The following ARFGEF1 variants were observed in gnomAD, a reference collection of about 807,000 sequenced individuals.
The protein encoded by ARFGEF1 is brefeldin A-inhibited guanine nucleotide-exchange protein 1.
A neutral mutation model predicts 231.0 loss-of-function variants in ARFGEF1; 42 were observed. That is an observed-to-expected ratio of 0.18 (90% CI 0.14 to 0.24). The LOEUF (loss-of-function observed/expected upper bound fraction) is 0.24. Ranked by LOEUF, ARFGEF1 falls within the 10% of genes least tolerant of loss-of-function variation. The pLI is 1.00. For missense variants in ARFGEF1, 1,345 were observed against 2,192.0 expected (o/e 0.61, Z 7.72); for synonymous variants, 710 against 732.3 (o/e 0.97, Z 0.49).
At chr8:67,222,182 C>CATATATATACATAT (rs1839195257) in intron 29 of ARFGEF1, among the ~76,000 whole-genome samples, 2 of 117,740 alleles carry the variant, frequency 1.7e-5, no homozygotes, top group African/African-American at 7.8e-5. Flanking sequence ...TATATATACA[C>CATATATATACATAT]ATATATATAT....
intron 22 of ARFGEF1, among the ~76,000 whole-genome samples, chr8:67,235,176 A>C (rs1839687147): frequency 6.7e-6 from 1 of 150,284 alleles, no homozygotes; most frequent in African/African-American, 2.4e-5. Flanking sequence ...ATTAATAATA[A>C]AATATTTAAA....
At chr8:67,264,900 T>C (rs1005871687) in intron 14 of ARFGEF1, among the ~76,000 whole-genome samples, 24 of 152,212 alleles carry the variant, frequency 1.6e-4, no homozygotes, top group African/African-American at 4.3e-4. Flanking sequence ...ATGTTTAGAA[T>C]GCAATCTTGA....
At chr8:67,311,926 C>CTG (rs953979672) in intron 1 of ARFGEF1, among the ~76,000 whole-genome samples, 13 of 152,164 alleles carry the variant, frequency 8.5e-5, no homozygotes, top group Non-Finnish European at 1.5e-5. Context: ...TCCTGTTGAT[C>CTG]TGTGACCTTA....
chr8:67,193,509 T>G (rs757947174), downstream of ARFGEF1: 1 of 1,613,378 alleles, frequency 6.2e-7, no homozygotes, highest in East Asian at 2.2e-5. Flanking sequence ...CTCTCTAAAA[T>G]CTATATCCAG....
At chr8:67,321,132 GGT>G (rs1267725628) in intron 1 of ARFGEF1, among the ~76,000 whole-genome samples, 2 of 150,122 alleles carry the variant, frequency 1.3e-5, no homozygotes, top group African/African-American at 4.9e-5. Flanking sequence ...CCAGGGGTTA[GGT>G]ATGTGAGAAA....
Position 67,303,210 on chromosome 8 carries a change from T to G in ARFGEF1, c.125-744A>C, listed in dbSNP as rs115577453. On this transcript the variant is annotated intron_variant, in intron 1 of 38. Transcript: ENST00000262215. ...GGAAAAACACCTCAATGCACCAACC[T>G]TGTGATTACCCCAGGGAGATTATCA... Among the ~76,000 whole-genome samples, 149 of 152,310 alleles carry G rather than the reference T, an allele frequency of 9.8e-4. 1 individual carries two copies. Among genetic ancestry groups the G allele is most frequent in the African/African-American group, 3.5e-3 (145 of 41,562 alleles).
chr8:67,202,916 A>T (rs1838384395), intron 36 of ARFGEF1, among the ~76,000 whole-genome samples, 167 bp downstream of exon 36: 1 of 152,184 alleles, frequency 6.6e-6, no homozygotes, highest in Admixed American at 6.5e-5. Flanking sequence ...CTTACTGTAG[A>T]CCAGAAAAGG....
At chr8:67,258,728 A>C (rs2128889698) in intron 15 of ARFGEF1, among the ~76,000 whole-genome samples, 1 of 152,290 alleles carries the variant, frequency 6.6e-6, no homozygotes, top group Non-Finnish European at 1.5e-5. Context: ...TAACAATTTC[A>C]AACACAAAGC....
chr8:67,264,768 C>G (rs1052849747), intron 14 of ARFGEF1, among the ~76,000 whole-genome samples: 1 of 152,114 alleles, frequency 6.6e-6, no homozygotes, highest in African/African-American at 2.4e-5. Flanking sequence ...ACTTCCACTT[C>G]GAAGCCCTCT....
chr8:67,253,714 T>C, intron 17 of ARFGEF1, 92 bp from the exon 18 acceptor site: 1 of 695,980 alleles, frequency 1.4e-6, no homozygotes, highest in Non-Finnish European at 2.1e-6. Flanking sequence ...AGAGATTTTG[T>C]AAATACTTTT....
In ARFGEF1 at chr8:67,307,163, T is replaced by C. The variant is rs749178741; in HGVS notation, c.125-4697A>G. ...TCAAAGCAGTAACTCTGGGAGTCTA[T>C]ATATCAATTACCATAATGCCGCTAG... is the stretch of plus-strand genomic sequence containing the variant. On this transcript the variant is annotated intron_variant, in intron 1 of 38. Coordinates refer to ENST00000262215, the MANE Select transcript of ARFGEF1 (RefSeq NM_006421.5). Among the ~76,000 whole-genome samples the C allele has an allele frequency of 5.3e-5, 8 of 152,370 alleles. No individual in the cohort carries two copies. The East Asian group carries it at 5.8e-4, about 11-fold the overall frequency.
At chr8:67,307,165 T>C (rs1021236867) in intron 1 of ARFGEF1, among the ~76,000 whole-genome samples, 6 of 152,256 alleles carry the variant, frequency 3.9e-5, no homozygotes, top group South Asian at 2.1e-4. Flanking sequence ...GGAGTCTATA[T>C]ATCAATTACC....
downstream of ARFGEF1, chr8:67,195,710 G>A (rs1837804517): frequency 1.4e-6 from 1 of 723,412 alleles, no homozygotes; most frequent in Non-Finnish European, 2.3e-6. Context: ...TCCATCATCT[G>A]TATATAAAAT....
intron 5 of ARFGEF1, among the ~76,000 whole-genome samples, chr8:67,183,660 T>G (rs1481741521): frequency 6.6e-6 from 1 of 152,150 alleles, no homozygotes; most frequent in African/African-American, 2.4e-5. Flanking sequence ...ATGCTTGTCT[T>G]TCTTTCTACT....
At chr8:67,327,577 C>G (rs1433017897) in intron 1 of ARFGEF1, among the ~76,000 whole-genome samples, 9 of 152,146 alleles carry the variant, frequency 5.9e-5, no homozygotes, top group Non-Finnish European at 1.2e-4. Context: ...ACTTCAGCCT[C>G]CCAAAGTGCT....
chr8:67,184,676 A>G (rs772773687), intron 5 of ARFGEF1, among the ~76,000 whole-genome samples: 1 of 151,808 alleles, frequency 6.6e-6, no homozygotes, highest in Non-Finnish European at 1.5e-5. Flanking sequence ...GTGAGCTGAA[A>G]TCGTGCCACT....
At chr8:67,342,947 A>G (rs1214838392) in intron 1 of ARFGEF1, among the ~76,000 whole-genome samples, 2 of 151,994 alleles carry the variant, frequency 1.3e-5, no homozygotes, top group East Asian at 3.9e-4. Context: ...GCGTTTCCCG[A>G]GCCCAGCTCA....
chr8:67,198,481 T>G lies in ARFGEF1; in HGVS notation c.*453A>C. 1.0e-6 allele frequency: 1 copy of G among 989,504 alleles called. No homozygotes were observed. The highest frequency in any genetic ancestry group is 1.2e-6 in the Non-Finnish European group (1 of 832,632). 61.3% of individuals were successfully genotyped at this position (989,504 alleles called of 1,614,324 possible). A position where few individuals can be genotyped will look rare whatever the true frequency, so the allele number is the denominator to read the frequency against. On this transcript the variant is annotated 3_prime_UTR_variant, in exon 39 of 39. Transcript: ENST00000262215. ...ATCTTCAGAATAAGAATACCATAGT[T>G]GCTAAATATCTTTTACCATGAACAA...
intron 17 of ARFGEF1, among the ~76,000 whole-genome samples, chr8:67,253,942 AT>A (rs1401567661): frequency 6.6e-6 from 1 of 152,236 alleles, no homozygotes; most frequent in Non-Finnish European, 1.5e-5. Context: ...CAAAAGGGCC[AT>A]GACAATTATT....
Sources: gnomAD v4.1 joint callset for allele counts (sites outside exome capture counted in the v4.1 genomes callset) on GRCh38, gnomAD v4.1.1 for gene constraint, MANE v1.5 for transcripts, NCBI Gene and HGNC (gene_info 2026-07-23, HGNC 2026-07-21) for gene names.